The following USP14 variants were observed in gnomAD, a reference collection of about 807,000 sequenced individuals.
USP14 encodes the protein ubiquitin specific peptidase 14, also known as ubiquitin carboxyl-terminal hydrolase 14.
In USP14, 38 loss-of-function variants were observed where a neutral mutation model predicts 76.5. That is an observed-to-expected ratio of 0.50 (90% CI 0.38 to 0.65). The LOEUF is 0.65. Ranked by LOEUF, USP14 falls within the 30% of genes least tolerant of loss-of-function variation. The pLI, the probability that USP14 is intolerant of heterozygous loss-of-function variation, is 0.00. For synonymous variants in USP14, 192 were observed against 191.7 expected, an observed-to-expected ratio of 1.00 and a Z score of -0.01; for missense variants, 467 against 586.5, an observed-to-expected ratio of 0.80 and a Z score of 2.10.
At chr18:177,405 G>A (rs1298202843) in intron 3 of USP14, among the ~76,000 whole-genome samples, 1 of 143,416 alleles carries the variant, frequency 7.0e-6, no homozygotes, top group Non-Finnish European at 1.5e-5. Flanking sequence ...CTGGGTGACA[G>A]AGTGAGTCCC....
rs1359016792 is a variant in USP14 at position 204,579 on chromosome 18, C to G, written c.1051C>G (p.Leu351Val). 4 of 1,598,702 alleles carry G rather than the reference C, an allele frequency of 2.5e-6. No homozygotes were observed. Among genetic ancestry groups the G allele is most frequent in the Non-Finnish European group, 3.4e-6 (4 of 1,175,286 alleles). Reference protein sequence around the residue: ...AKVLKDVKFPLMLDMYELCTP... With the variant: ...AKVLKDVKFPVMLDMYELCTP... ...TTGTATATAGGATGTTAAATTTCCTCTTATGTTGGATATGTATGAACTGTG... is the reference window on the plus strand; with the variant it reads ...TTGTATATAGGATGTTAAATTTCCTGTTATGTTGGATATGTATGAACTGTG... The change falls in exon 13 of 16, where the codon CTT becomes GTT. Residue 351 changes from leucine (L) to valine (V), a missense_variant. Leu to Val is a conservative substitution (Grantham distance 32). Transcript: ENST00000261601.
chr18:195,145 A>G (rs980700916), intron 6 of USP14, among the ~76,000 whole-genome samples: 1 of 151,784 alleles, frequency 6.6e-6, no homozygotes, highest in African/African-American at 2.4e-5. Flanking sequence ...TTTTCTTTCA[A>G]ACTAATGAAA....
Position 178,914 on chromosome 18 carries a change from T to C in USP14, c.196-19T>C, listed in dbSNP as rs1360294888. On this transcript the variant is annotated intron_variant, in intron 3 of 15. Coordinates refer to ENST00000261601, the MANE Select transcript of USP14 (RefSeq NM_005151.4). ...CCAACTTTTAAGGATTTTCATGAAATTACTTTTTTTAAAAACAGGGAATGA... is the reference window on the plus strand; with the variant it reads ...CCAACTTTTAAGGATTTTCATGAAACTACTTTTTTTAAAAACAGGGAATGA... 6.3e-7 allele frequency: 1 copy of C among 1,576,826 alleles called. No individual in the cohort carries two copies. Among genetic ancestry groups the C allele is most frequent in the South Asian group, 1.2e-5 (1 of 86,100 alleles).
At chr18:192,739 T>C in intron 5 of USP14, 103 bp from the exon 6 acceptor site, 2 of 989,786 alleles carry the variant, frequency 2.0e-6, no homozygotes, top group Non-Finnish European at 1.5e-6. Context: ...CTGAGAAACT[T>C]GCAGTTGAGG....
At chr18:182,993 C>G (rs1321931933) in intron 5 of USP14, among the ~76,000 whole-genome samples, 1 of 152,216 alleles carries the variant, frequency 6.6e-6, no homozygotes, top group African/African-American at 2.4e-5. Flanking sequence ...AAGCAGAGTA[C>G]TGACATTCAA....
intron 5 of USP14, among the ~76,000 whole-genome samples, chr18:183,604 C>CAG (rs1909845243): frequency 1.3e-5 from 2 of 152,076 alleles, no homozygotes; most frequent in South Asian, 4.1e-4. Flanking sequence ...TTCTGTCTTA[C>CAG]ATTTTACTGA....
At chr18:170,478 T>C (rs960179534) in intron 3 of USP14, among the ~76,000 whole-genome samples, 2 of 152,206 alleles carry the variant, frequency 1.3e-5, no homozygotes, top group African/African-American at 4.8e-5. Context: ...TTTGCAGCAG[T>C]TAACCAAGTT....
Position 210,237 on chromosome 18 carries a change from G to C in USP14, c.1226-149G>C, listed in dbSNP as rs902279044. 5 of 700,444 alleles carry C rather than the reference G, an allele frequency of 7.1e-6. No homozygotes were observed. In the African/African-American group the frequency reaches 9.1e-5, roughly 13 times the overall value. The allele number at this position is 700,444 out of a possible 1,614,324, so 43.4% of individuals were successfully genotyped here. A position where few individuals can be genotyped will look rare whatever the true frequency, so the allele number is the denominator to read the frequency against. On this transcript the variant is annotated intron_variant, in intron 14 of 15. Transcript: ENST00000261601. ...AGTTACTTATTAAAACATCAATCAT[G>C]AAGCCTTAACTATGATTGGACAGTA...
chr18:196,088 C>T (rs966617875), intron 6 of USP14, among the ~76,000 whole-genome samples: 9 of 151,852 alleles, frequency 5.9e-5, no homozygotes, highest in Non-Finnish European at 1.0e-4. Flanking sequence ...TTTGGGAGGC[C>T]GAGGCTGGCG....
chr18:210,636 T>C (rs1910645401), intron 15 of USP14, 143 bp downstream of exon 15: 2 of 506,862 alleles, frequency 3.9e-6, no homozygotes, highest in Non-Finnish European at 6.8e-6. Context: ...GTTTATGAGG[T>C]TTGCCTCTCT....
At chr18:173,070 A>G (rs1041208974) in intron 3 of USP14, among the ~76,000 whole-genome samples, 14 of 150,296 alleles carry the variant, frequency 9.3e-5, no homozygotes, top group African/African-American at 3.4e-4. Flanking sequence ...GTAAAGCTTG[A>G]TAAGTTTTAG....
At chr18:207,534 C>T (rs1910562125) in intron 13 of USP14, among the ~76,000 whole-genome samples, 1 of 144,304 alleles carries the variant, frequency 6.9e-6, no homozygotes, top group African/African-American at 2.5e-5. Flanking sequence ...CAGAAATTAG[C>T]CAGGCGTGGT....
intron 10 of USP14, among the ~76,000 whole-genome samples, chr18:202,474 A>C (rs1910409411): frequency 6.6e-6 from 1 of 152,208 alleles, no homozygotes; most frequent in South Asian, 2.1e-4. Flanking sequence ...ATTGGCTTTT[A>C]TGCATAAAAC....
intron 2 of USP14, among the ~76,000 whole-genome samples, chr18:164,964 T>G (rs76927248): frequency 0.082 from 12,404 of 152,146 alleles, 725 homozygotes; most frequent in Middle Eastern, 0.18. Flanking sequence ...TTATTTTTTT[T>G]GGGATTGAGT....
chr18:204,763 C>CT, intron 13 of USP14, 71 bp downstream of exon 13: 28 of 1,536,388 alleles, frequency 1.8e-5, no homozygotes, highest in East Asian at 4.6e-5. Flanking sequence ...ATTACTCTGT[C>CT]TTTTTTTTCC....
chr18:162,272 G>T (rs1909141987), intron 1 of USP14, among the ~76,000 whole-genome samples: 1 of 152,120 alleles, frequency 6.6e-6, no homozygotes, highest in South Asian at 2.1e-4. Context: ...TGAAATTGCT[G>T]GATCATATGG....
At chr18:208,558 A>G (rs1186268353) in intron 13 of USP14, among the ~76,000 whole-genome samples, 6 of 151,984 alleles carry the variant, frequency 3.9e-5, no homozygotes, top group East Asian at 1.9e-4. Context: ...ACTATATCCT[A>G]TGAATTTTGA....
intron 3 of USP14, among the ~76,000 whole-genome samples, chr18:177,158 AT>A (rs1310056885): frequency 4.6e-5 from 7 of 151,916 alleles, no homozygotes; most frequent in African/African-American, 1.7e-4. Context: ...TTTTCTTGTT[AT>A]GCTTATTCTT....
At chr18:164,122 T>G (rs1161870201) in intron 2 of USP14, among the ~76,000 whole-genome samples, 2 of 152,242 alleles carry the variant, frequency 1.3e-5, no homozygotes, top group Non-Finnish European at 2.9e-5. Flanking sequence ...TGGAACACTT[T>G]ACAGTTATCT....
Sources: gnomAD v4.1 joint callset for allele counts (sites outside exome capture counted in the v4.1 genomes callset) on GRCh38, gnomAD v4.1.1 for gene constraint, MANE v1.5 for transcripts, NCBI Gene and HGNC (gene_info 2026-07-23, HGNC 2026-07-21) for gene names.